The following PTPRR variants were observed in gnomAD, a reference collection of about 807,000 sequenced individuals.
PTPRR encodes the protein protein tyrosine phosphatase receptor type R.
PTPRR carries 38 observed loss-of-function variants against 77.2 expected under a neutral mutation model. That is an observed-to-expected ratio of 0.49 (90% CI 0.38 to 0.65). PTPRR has a LOEUF of 0.65. Among genes scored for constraint, PTPRR ranks in the 30% least tolerant of loss-of-function variants. The pLI is 0.00. For missense variants in PTPRR, 744 were observed against 799.2 expected, an observed-to-expected ratio of 0.93 and a Z score of 0.83; for synonymous variants, 299 against 283.1, an observed-to-expected ratio of 1.06 and a Z score of -0.57.
At position 70,706,045 on chromosome 12, in the gene PTPRR, A is replaced by AG. The variant is rs1448921644; in HGVS notation, c.1008-4723_1008-4722insC. Among the ~76,000 whole-genome samples the AG allele has an allele frequency of 2.0e-5, 3 of 151,440 alleles. No individual in the cohort carries two copies. The East Asian group carries it at 5.9e-4, about 30-fold the overall frequency. The stretch of plus-strand genomic sequence containing the variant: ...AACAGAATGAAAAAGGAAAAAAAAA[A>AG]CAAGTTTTTGCTCATTTGAATAACA... On this transcript the variant is annotated intron_variant, in intron 6 of 13. Coordinates refer to ENST00000283228, the MANE Select transcript of PTPRR (RefSeq NM_002849.4).
chr12:70,872,693 T>TAAAAAAAAAAAAAA (rs1892979736), intron 2 of PTPRR, among the ~76,000 whole-genome samples: 1 of 28,132 alleles, frequency 3.6e-5, no homozygotes, highest in East Asian at 1.7e-3. Context: ...AGACTCTGTC[T>TAAAAAAAAAAAAAA]CAAAAAAAAA....
At chr12:70,709,563 A>T (rs1490457999) in intron 6 of PTPRR, among the ~76,000 whole-genome samples, 1 of 152,144 alleles carries the variant, frequency 6.6e-6, no homozygotes, top group Admixed American at 6.6e-5. Flanking sequence ...TGCAGATGAC[A>T]TGATCCTATA....
chr12:70,813,605 G>T (rs2137032968), intron 2 of PTPRR, among the ~76,000 whole-genome samples: 1 of 152,294 alleles, frequency 6.6e-6, no homozygotes, highest in South Asian at 2.1e-4. Context: ...GACCAAATAT[G>T]TGAAGCAAAA....
chr12:70,742,872 G>A (rs1890096625), intron 6 of PTPRR, among the ~76,000 whole-genome samples: 1 of 152,108 alleles, frequency 6.6e-6, no homozygotes, highest in Non-Finnish European at 1.5e-5. Context: ...GGATATTACT[G>A]GTTTCAGAGA....
intron 2 of PTPRR, among the ~76,000 whole-genome samples, chr12:70,827,854 G>C (rs1892142061): frequency 6.6e-6 from 1 of 151,374 alleles, no homozygotes; most frequent in Admixed American, 6.6e-5. Flanking sequence ...CCGAGTAGCT[G>C]GGACTACAGG....
chr12:70,775,341 C>T (rs1183945424), intron 2 of PTPRR, among the ~76,000 whole-genome samples: 1 of 152,144 alleles, frequency 6.6e-6, no homozygotes, highest in East Asian at 1.9e-4. Flanking sequence ...GACTTTCTTT[C>T]TTTGGTTCCC....
chr12:70,832,907 G>C (rs1217465136), intron 2 of PTPRR, among the ~76,000 whole-genome samples: 1 of 152,174 alleles, frequency 6.6e-6, no homozygotes, highest in African/African-American at 2.4e-5. Flanking sequence ...GAGCAAGAGA[G>C]AGTGGAGGAG....
chr12:70,907,946 GA>G (rs1297773210), intron 1 of PTPRR, among the ~76,000 whole-genome samples: 3 of 152,190 alleles, frequency 2.0e-5, no homozygotes, highest in African/African-American at 7.2e-5. Flanking sequence ...GAAATCACAG[GA>G]GTTCAGTTCT....
At chr12:70,682,255 G>T (rs1194534732) in intron 10 of PTPRR, among the ~76,000 whole-genome samples, 1 of 151,476 alleles carries the variant, frequency 6.6e-6, no homozygotes, top group African/African-American at 2.4e-5. Context: ...GTGTTAGCCA[G>T]GATGGTCTCG....
intron 13 of PTPRR, among the ~76,000 whole-genome samples, chr12:70,643,793 G>A (rs1251432014): frequency 6.7e-6 from 1 of 150,164 alleles, no homozygotes; most frequent in Non-Finnish European, 1.5e-5. Flanking sequence ...TTTTCTTTTT[G>A]GGGCAGGGTC....
rs145444772 is a variant in PTPRR at position 70,914,434 on chromosome 12, T to C, written c.58+5899A>G. ...TAGGAGGTCATCACAAGATATTATG[T>C]GAGAAATAAGGATCTGTCTCAAGGC... is the stretch of plus-strand genomic sequence containing the variant. On this transcript the variant is annotated intron_variant, in intron 1 of 13. Transcript: ENST00000283228. 3.3e-3 allele frequency among the ~76,000 whole-genome samples: 505 copies of C among 152,256 alleles called. 1 individual carries two copies. The highest frequency in any genetic ancestry group is 0.011 in the African/African-American group (463 of 41,538).
chr12:70,694,213 T>C (rs1181742308), intron 8 of PTPRR, among the ~76,000 whole-genome samples: 1 of 152,176 alleles, frequency 6.6e-6, no homozygotes. Context: ...AAAGGAAACA[T>C]AATTTAAGTA....
chr12:70,830,772 C>T (rs1892198293), intron 2 of PTPRR, among the ~76,000 whole-genome samples: 2 of 152,176 alleles, frequency 1.3e-5, no homozygotes, highest in Admixed American at 1.3e-4. Flanking sequence ...AAAAAAGGAG[C>T]AGCTGCTAAT....
At chr12:70,665,567 A>G (rs1284750465) in intron 10 of PTPRR, among the ~76,000 whole-genome samples, 2 of 151,270 alleles carry the variant, frequency 1.3e-5, no homozygotes, top group African/African-American at 4.8e-5. Context: ...TTTTTAGTAG[A>G]GACGGGGTTT....
intron 2 of PTPRR, among the ~76,000 whole-genome samples, chr12:70,772,885 C>T (rs1286623490): frequency 1.3e-5 from 2 of 151,808 alleles, no homozygotes; most frequent in Non-Finnish European, 2.9e-5. Flanking sequence ...TTTTTTTAAG[C>T]TTAAAACAAC....
chr12:70,678,966 G>A (rs1224954478), intron 10 of PTPRR, among the ~76,000 whole-genome samples: 3 of 152,320 alleles, frequency 2.0e-5, no homozygotes, highest in East Asian at 1.9e-4. Flanking sequence ...ACAAGCGTAA[G>A]CCACGCTGCC....
In PTPRR at chr12:70,917,452, G is replaced by A. The variant is rs184533796; in HGVS notation, c.58+2881C>T. 1.2e-3 allele frequency among the ~76,000 whole-genome samples: 186 copies of A among 152,254 alleles called. 2 individuals carry two copies. Among genetic ancestry groups the A allele is most frequent in the South Asian group, 1.4e-3 (7 of 4,828 alleles). ...CATTTTCTCACCTGTAAAATAAGCAGTTGGATGGACAATAACCACAACTTC... is the reference window on the plus strand; with the variant it reads ...CATTTTCTCACCTGTAAAATAAGCAATTGGATGGACAATAACCACAACTTC... On this transcript the variant is annotated intron_variant, in intron 1 of 13. Coordinates refer to ENST00000283228, the MANE Select transcript of PTPRR (RefSeq NM_002849.4).
At chr12:70,743,013 T>C (rs1216649167) in intron 6 of PTPRR, among the ~76,000 whole-genome samples, 1 of 152,214 alleles carries the variant, frequency 6.6e-6, no homozygotes, top group Non-Finnish European at 1.5e-5. Flanking sequence ...AATATGGGTC[T>C]GGATTTCAAC....
intron 2 of PTPRR, among the ~76,000 whole-genome samples, chr12:70,886,854 C>A (rs534000271): frequency 3.2e-4 from 48 of 152,042 alleles, no homozygotes; most frequent in Non-Finnish European, 5.6e-4. Context: ...ACTGGAAATA[C>A]AGCAGGAACA....
Sources: gnomAD v4.1 joint callset for allele counts (sites outside exome capture counted in the v4.1 genomes callset) on GRCh38, gnomAD v4.1.1 for gene constraint, MANE v1.5 for transcripts, NCBI Gene and HGNC (gene_info 2026-07-23, HGNC 2026-07-21) for gene names.